Variants in DARS1 observed in about 807,000 individuals in gnomAD.
DARS1 encodes aspartate--tRNA ligase, cytoplasmic.
In DARS1, 51 loss-of-function variants were observed where a neutral mutation model predicts 68.8. That is an observed-to-expected ratio of 0.74 (90% CI 0.59 to 0.94). The LOEUF (loss-of-function observed/expected upper bound fraction) is 0.94. Among genes scored for constraint, DARS1 ranks in the 40% least tolerant of loss-of-function variants. The pLI, the probability that DARS1 is intolerant of heterozygous loss-of-function variation, is 0.00. For missense variants in DARS1, 607 were observed against 597.3 expected (o/e 1.02, Z -0.17); for synonymous variants, 203 against 190.4 (o/e 1.07, Z -0.55).
chr2:135,916,618 T>C (rs1244798525), intron 10 of DARS1, among the ~76,000 whole-genome samples: 1 of 152,212 alleles, frequency 6.6e-6, no homozygotes, highest in Non-Finnish European at 1.5e-5. Context: ...TCAGTTAATA[T>C]GGTTAGAAAT....
chr2:135,947,690 A>G (rs925738973), intron 4 of DARS1, among the ~76,000 whole-genome samples: 2 of 152,112 alleles, frequency 1.3e-5, no homozygotes, highest in Admixed American at 6.5e-5. Flanking sequence ...TTATTGCACT[A>G]GACAGTTCTG....
chr2:135,910,695 A>T (rs1263163661), intron 15 of DARS1, among the ~76,000 whole-genome samples: 8 of 152,166 alleles, frequency 5.3e-5, no homozygotes, highest in Admixed American at 2.6e-4. Flanking sequence ...CATTCAAAAA[A>T]TTTTTTAAGA....
rs564347370 is a variant in DARS1 at position 135,920,541 on chromosome 2, T to C, written c.871A>G (p.Ile291Val). The change falls in exon 10 of 16, where the codon ATT becomes GTT. Residue 291 changes from isoleucine to valine, a missense_variant. Transcript: ENST00000264161. ...TAATGGTAATTAAAAGCCATTTCAA[T>C]GTCCAAACCAACAAACTCAGTTAGA... ...RHLTEFVGLDIEMAFNYHYHE... is the reference protein window; with the variant it reads ...RHLTEFVGLDVEMAFNYHYHE... The C allele has an allele frequency of 1.9e-6, 3 of 1,613,824 alleles. No individual in the cohort carries two copies. In the African/African-American group the frequency reaches 4.0e-5, roughly 22 times the overall value.
intron 2 of DARS1, among the ~76,000 whole-genome samples, chr2:135,981,496 T>C (rs1193017987): frequency 6.6e-6 from 1 of 152,166 alleles, no homozygotes; most frequent in Non-Finnish European, 1.5e-5. Flanking sequence ...CGGAGGATTT[T>C]GGATTTTCAG....
chr2:135,923,693 G>A (rs545501557), intron 8 of DARS1, among the ~76,000 whole-genome samples: 13 of 152,212 alleles, frequency 8.5e-5, no homozygotes, highest in African/African-American at 3.1e-4. Flanking sequence ...ATCTAAAAAG[G>A]GTAAAATGAT....
chr2:135,908,828 G>T (rs1187903807), intron 15 of DARS1, among the ~76,000 whole-genome samples: 2 of 152,096 alleles, frequency 1.3e-5, no homozygotes, highest in East Asian at 3.9e-4. Flanking sequence ...AAAGATACAT[G>T]CACGTGTATG....
chr2:135,932,744 C>A, intron 7 of DARS1, 39 bp downstream of exon 7: 1 of 911,744 alleles, frequency 1.1e-6, no homozygotes, highest in Non-Finnish European at 1.8e-6. Context: ...CTCTCTAATG[C>A]GGCATAATTG....
intron 5 of DARS1, among the ~76,000 whole-genome samples, chr2:135,939,553 A>G (rs535009116): frequency 6.6e-6 from 1 of 152,346 alleles, no homozygotes; most frequent in East Asian, 1.9e-4. Context: ...CACAAGAGAA[A>G]GCAAGAAAGA....
At chr2:135,964,163 T>C (rs1259956260) in intron 3 of DARS1, among the ~76,000 whole-genome samples, 4 of 152,164 alleles carry the variant, frequency 2.6e-5, no homozygotes, top group Non-Finnish European at 1.5e-5. Context: ...TAAAACCATA[T>C]GTAACGTGTA....
chr2:135,919,093 G>A (rs1350612184), intron 10 of DARS1, among the ~76,000 whole-genome samples: 8 of 152,086 alleles, frequency 5.3e-5, no homozygotes, highest in African/African-American at 1.2e-4. Flanking sequence ...GTGCAGTGGC[G>A]TGATCCAGCT....
chr2:135,954,018 A>G (rs189072285), intron 4 of DARS1, among the ~76,000 whole-genome samples: 43 of 151,654 alleles, frequency 2.8e-4, no homozygotes, highest in African/African-American at 9.0e-4. Context: ...CAGTGTCCTA[A>G]AGTGCTGGGA....
chr2:135,963,528 G>C (rs1328889780), intron 3 of DARS1, among the ~76,000 whole-genome samples: 1 of 150,952 alleles, frequency 6.6e-6, no homozygotes, highest in African/African-American at 2.4e-5. Flanking sequence ...CGTGCCACCA[G>C]GCCTAGCTAA....
chr2:135,948,178 C>A (rs971176253), intron 4 of DARS1, among the ~76,000 whole-genome samples: 1 of 152,068 alleles, frequency 6.6e-6, no homozygotes, highest in Non-Finnish European at 1.5e-5. Flanking sequence ...TTTCCTCTAA[C>A]AGATAAATAC....
chr2:135,978,535 T>C (rs1682552360), intron 3 of DARS1, among the ~76,000 whole-genome samples: 1 of 152,242 alleles, frequency 6.6e-6, no homozygotes, highest in South Asian at 2.1e-4. Context: ...ATGAAAAGTA[T>C]AAAGTTATAA....
chr2:135,979,000 C>T (rs1422279320), intron 3 of DARS1: 6 of 283,572 alleles, frequency 2.1e-5, no homozygotes, highest in Non-Finnish European at 3.8e-5. Flanking sequence ...TACTCCTTCT[C>T]CAGCTGAAAA....
chr2:135,922,241 T>C (rs184909279), intron 9 of DARS1, among the ~76,000 whole-genome samples: 21 of 152,152 alleles, frequency 1.4e-4, no homozygotes, highest in Admixed American at 1.2e-3. Flanking sequence ...TGGAATAAAA[T>C]TGATAGCAAA....
At position 135,906,131 on chromosome 2, in the gene DARS1, T is replaced by C. The variant is rs1484536260; in HGVS notation, c.*1185A>G. Among the ~76,000 whole-genome samples, 1 of 152,234 alleles carries C rather than the reference T, an allele frequency of 6.6e-6. No homozygotes were observed. Among genetic ancestry groups the C allele is most frequent in the Non-Finnish European group, 1.5e-5 (1 of 68,040 alleles). On this transcript the variant is annotated 3_prime_UTR_variant, in exon 16 of 16. Transcript: ENST00000264161. ...ACTTTCAAAGACTGTACAATATAGA[T>C]GGTAAACACCCCCTTTAACTTTCAA...
chr2:135,973,211 T>C (rs1682420432), intron 3 of DARS1, among the ~76,000 whole-genome samples: 1 of 152,128 alleles, frequency 6.6e-6, no homozygotes, highest in African/African-American at 2.4e-5. Flanking sequence ...GAAAATGTGC[T>C]ACATATACAC....
intron 5 of DARS1, among the ~76,000 whole-genome samples, chr2:135,942,105 A>C (rs1390046405): frequency 1.3e-5 from 2 of 152,176 alleles, no homozygotes; most frequent in East Asian, 3.9e-4. Flanking sequence ...GTGATTCCTC[A>C]GGGATCTAGA....
Sources: allele counts gnomAD v4.1 joint callset (sites outside exome capture counted in the v4.1 genomes callset), GRCh38; gene constraint gnomAD v4.1.1; transcripts MANE v1.5; gene names NCBI Gene and HGNC (gene_info 2026-07-23, HGNC 2026-07-21).